The following RBFOX1 variants were observed in gnomAD, a reference collection of about 807,000 sequenced individuals.
RBFOX1 encodes the protein RNA binding fox-1 homolog 1.
RBFOX1 carries 8 observed loss-of-function variants against 57.7 expected under a neutral mutation model. The observed-to-expected ratio is 0.14, with a 90% CI of 0.08 to 0.25. The LOEUF is 0.25. Ranked by LOEUF, RBFOX1 falls within the 10% of genes least tolerant of loss-of-function variation. RBFOX1 has a pLI of 1.00. For missense variants in RBFOX1, 611 were observed against 548.5 expected (o/e 1.11, Z -1.14); for synonymous variants, 326 against 222.4 (o/e 1.47, Z -4.15).
At chr16:7,325,668 T>C (rs1603622410) in intron 4 of RBFOX1, among the ~76,000 whole-genome samples, 1 of 152,122 alleles carries the variant, frequency 6.6e-6, no homozygotes, top group East Asian at 1.9e-4. Flanking sequence ...GGAGAGAGGT[T>C]GGTTGATGGT....
intron 4 of RBFOX1, among the ~76,000 whole-genome samples, chr16:7,068,086 C>T (rs1267899847): frequency 4.6e-5 from 7 of 151,742 alleles, no homozygotes; most frequent in African/African-American, 1.7e-4. Flanking sequence ...GGTTTCTCTC[C>T]TGCTTTTAAG....
At chr16:6,584,325 G>C (rs1006393386) in intron 2 of RBFOX1, among the ~76,000 whole-genome samples, 2 of 145,120 alleles carry the variant, frequency 1.4e-5, no homozygotes, top group African/African-American at 5.1e-5. Flanking sequence ...CAGCAGAAAA[G>C]TTGTGTTTTA....
intron 4 of RBFOX1, among the ~76,000 whole-genome samples, chr16:7,115,880 C>G (rs2065801789): frequency 6.6e-6 from 1 of 152,164 alleles, no homozygotes; most frequent in African/African-American, 2.4e-5. Context: ...CTGGGGAGCA[C>G]TGAGAAAAGC....
intron 2 of RBFOX1, among the ~76,000 whole-genome samples, chr16:6,410,199 T>C (rs1485220329): frequency 6.7e-6 from 1 of 150,314 alleles, no homozygotes; most frequent in Non-Finnish European, 1.5e-5. Context: ...TGTGTGTGTG[T>C]GTGTGCTGGT....
chr16:7,695,307 C>T (rs558879027), intron 14 of RBFOX1, among the ~76,000 whole-genome samples: 10 of 152,028 alleles, frequency 6.6e-5, no homozygotes, highest in East Asian at 1.9e-4. Context: ...GCTCATAGAG[C>T]GAAAATGAAA....
chr16:6,094,346 C>G (rs889922364), intron 1 of RBFOX1, among the ~76,000 whole-genome samples: 1 of 152,156 alleles, frequency 6.6e-6, no homozygotes, highest in African/African-American at 2.4e-5. Flanking sequence ...TTCTTTTGAA[C>G]CCCAGGTGGC....
At chr16:5,611,789 T>TCCACCCACCCACCCACCCACCCAC (rs1433857998) in intron 3 of RBFOX1, among the ~76,000 whole-genome samples, 1 of 106,384 alleles carries the variant, frequency 9.4e-6, no homozygotes, top group Admixed American at 1.0e-4. Flanking sequence ...CATCCATCCA[T>TCCACCCACCCACCCACCCACCCAC]CCATCCACCC....
intron 4 of RBFOX1, among the ~76,000 whole-genome samples, chr16:6,008,120 A>G (rs551578430): frequency 2.4e-4 from 36 of 152,224 alleles, no homozygotes; most frequent in African/African-American, 7.2e-4. Flanking sequence ...CAGGAGGGTC[A>G]CTTGAACCTG....
chr16:5,274,150 A>C (rs1309482989), intron 1 of RBFOX1, among the ~76,000 whole-genome samples: 1 of 152,228 alleles, frequency 6.6e-6, no homozygotes, highest in Non-Finnish European at 1.5e-5. Flanking sequence ...CCATCGCTGC[A>C]TCTCTCATGC....
chr16:6,049,496 C>G (rs1317619538), intron 1 of RBFOX1, among the ~76,000 whole-genome samples: 1 of 152,114 alleles, frequency 6.6e-6, no homozygotes, highest in Admixed American at 6.5e-5. Context: ...TGCTACTAGT[C>G]TTAAGCAAAT....
chr16:6,764,465 C>T (rs1171189753), intron 3 of RBFOX1, among the ~76,000 whole-genome samples: 1 of 152,200 alleles, frequency 6.6e-6, no homozygotes, highest in African/African-American at 2.4e-5. Context: ...TTTGTCTTCT[C>T]TCCACCTGTC....
intron 1 of RBFOX1, among the ~76,000 whole-genome samples, chr16:5,409,487 A>T (rs958441999): frequency 6.6e-6 from 1 of 152,250 alleles, no homozygotes; most frequent in Non-Finnish European, 1.5e-5. Context: ...CTTCAAAATC[A>T]TTGATTCTTA....
chr16:5,665,346 C>A (rs984903109), intron 3 of RBFOX1, among the ~76,000 whole-genome samples: 10 of 152,292 alleles, frequency 6.6e-5, no homozygotes, highest in Non-Finnish European at 1.3e-4. Context: ...TTTTCCTCCT[C>A]CAGGTTTGGC....
intron 3 of RBFOX1, among the ~76,000 whole-genome samples, chr16:6,900,312 A>C (rs556264548): frequency 1.3e-5 from 2 of 152,318 alleles, no homozygotes; most frequent in South Asian, 2.1e-4. Flanking sequence ...TCCTGTTCCA[A>C]GTTGCCATCA....
chr16:6,290,844 T>C lies in RBFOX1; in HGVS notation c.-126-26151T>C, dbSNP rs570790966. The stretch of plus-strand genomic sequence containing the variant: ...AAATCCAGACCCCTAGAGAGTGTTC[T>C]TGGATCTCAGGCAAGAAAGAATTCA... On this transcript the variant is annotated intron_variant, in intron 1 of 15. Coordinates refer to ENST00000550418, the MANE Select transcript of RBFOX1 (RefSeq NM_018723.4). Among the ~76,000 whole-genome samples, 122 of 152,298 alleles carry C rather than the reference T, an allele frequency of 8.0e-4. 1 individual carries two copies. Among genetic ancestry groups the C allele is most frequent in the Middle Eastern group, 3.4e-3 (1 of 294 alleles).
chr16:7,139,580 T>C (rs1385659666), intron 4 of RBFOX1, among the ~76,000 whole-genome samples: 1 of 152,140 alleles, frequency 6.6e-6, no homozygotes, highest in East Asian at 1.9e-4. Flanking sequence ...GGGTAACTTC[T>C]ACTACTACTA....
chr16:5,454,863 TTTCTTTC>T (rs1567534858), intron 1 of RBFOX1, among the ~76,000 whole-genome samples: 2 of 29,160 alleles, frequency 6.9e-5, no homozygotes, highest in Non-Finnish European at 8.1e-5. Flanking sequence ...CTTTTCTTTC[TTTCTTTC>T]TTTCTTTCTT....
intron 4 of RBFOX1, among the ~76,000 whole-genome samples, chr16:7,378,763 C>A (rs574727287): frequency 2.6e-5 from 4 of 152,200 alleles, no homozygotes; most frequent in Non-Finnish European, 5.9e-5. Flanking sequence ...GATCTAAGTA[C>A]TGCAGAACAC....
At chr16:7,180,387 A>C (rs1227137173) in intron 4 of RBFOX1, among the ~76,000 whole-genome samples, 1 of 152,192 alleles carries the variant, frequency 6.6e-6, no homozygotes, top group East Asian at 1.9e-4. Flanking sequence ...CATCTCTGGA[A>C]GTCTGACTCC....
Sources: allele counts gnomAD v4.1 joint callset (sites outside exome capture counted in the v4.1 genomes callset), GRCh38; gene constraint gnomAD v4.1.1; transcripts MANE v1.5; gene names NCBI Gene and HGNC (gene_info 2026-07-23, HGNC 2026-07-21).